Variants in ECT2L observed in about 807,000 individuals in gnomAD.
ECT2L encodes epithelial cell transforming 2 like.
ECT2L carries 126 observed loss-of-function variants against 122.8 expected under a neutral mutation model. The ratio of observed to expected loss-of-function variants is 1.03; its 90% CI spans 0.89 to 1.19. The LOEUF (loss-of-function observed/expected upper bound fraction) is 1.19. ECT2L is among the 50% of genes most tolerant of loss of function. ECT2L has a pLI of 0.00. For missense variants in ECT2L, 1,012 were observed against 1,064.1 expected, an observed-to-expected ratio of 0.95 and a Z score of 0.68; for synonymous variants, 385 against 381.8, an observed-to-expected ratio of 1.01 and a Z score of -0.10.
In ECT2L at chr6:138,828,873, T is replaced by G. The variant is rs535569575; in HGVS notation, c.180-9479T>G. On this transcript the variant is annotated intron_variant, in intron 4 of 21. Transcript: ENST00000541398. ...TTTCAATCCATTTCAGTTATTTTCT[T>G]GTTGGTATTCAAATTGTGTTGTTCC... Among the ~76,000 whole-genome samples the G allele has an allele frequency of 6.6e-5, 10 of 152,326 alleles. No individual in the cohort carries two copies. The East Asian group carries it at 1.9e-3, about 29-fold the overall frequency.
chr6:138,887,428 G>A (rs902314897), intron 19 of ECT2L, among the ~76,000 whole-genome samples: 4 of 151,650 alleles, frequency 2.6e-5, no homozygotes, highest in East Asian at 3.9e-4. Flanking sequence ...GGGTTTCACC[G>A]TGTTAGCCAG....
At chr6:138,872,303 A>G (rs6910295) in intron 13 of ECT2L, among the ~76,000 whole-genome samples, 5,526 of 152,308 alleles carry the variant, frequency 0.036, 334 homozygotes, top group African/African-American at 0.13. Flanking sequence ...TATTTGCAGG[A>G]GCTAACCAGC....
intron 3 of ECT2L, among the ~76,000 whole-genome samples, chr6:138,813,762 A>C (rs748974837): frequency 1.4e-4 from 21 of 152,206 alleles, no homozygotes; most frequent in Non-Finnish European, 1.5e-4. Context: ...ATTTTAAGGT[A>C]ATTCAGGAAG....
intron 21 of ECT2L, 29 bp from the exon 22 acceptor site, chr6:138,902,471 T>TA: frequency 6.3e-7 from 1 of 1,589,830 alleles, no homozygotes; most frequent in Non-Finnish European, 8.5e-7. Context: ...CTGCAAAGAT[T>TA]AATTAGTATA....
intron 16 of ECT2L, among the ~76,000 whole-genome samples, chr6:138,885,129 T>C (rs1778771514): frequency 6.7e-6 from 1 of 149,010 alleles, no homozygotes; most frequent in African/African-American, 2.5e-5. Flanking sequence ...CACAGGTTCA[T>C]GCCATTCTTC....
rs1338233748 is a variant in ECT2L, at chr6:138,902,772, A to G, written c.*145A>G. 6 of 992,160 alleles carry G rather than the reference A, an allele frequency of 6.0e-6. No individual in the cohort carries two copies. Among genetic ancestry groups the G allele is most frequent in the Non-Finnish European group, 8.9e-6 (6 of 677,780 alleles). The allele number at this position is 992,160 out of a possible 1,614,324, so 61.5% of individuals were successfully genotyped here. ...TAAGATGACCCATAGGATCTTTCCA[A>G]CTTTTAAACTTTATCACTTGTGCTC... On this transcript the variant is annotated 3_prime_UTR_variant, in exon 22 of 22. Transcript: ENST00000541398.
Position 138,813,300 on chromosome 6 carries a change from G to A in ECT2L, c.26G>A (p.Ser9Asn). The A allele has an allele frequency of 6.2e-7, 1 of 1,612,532 alleles. No individual in the cohort carries two copies. Among genetic ancestry groups the A allele is most frequent in the African/African-American group, 1.3e-5 (1 of 74,930 alleles). The change falls in exon 3 of 22, where the codon AGT (serine) becomes AAT (asparagine). Residue 9 changes from serine to asparagine, a missense_variant. Transcript: ENST00000541398. ...ATGGAGAGCTTCCACACCAGATTTA[G>A]TGCCTGGACACCTTTTAGCAACAAG... Reference protein sequence around the residue: MESFHTRFSAWTPFSNKSL... With the variant: MESFHTRFNAWTPFSNKSL...
intron 13 of ECT2L, among the ~76,000 whole-genome samples, chr6:138,868,541 A>G (rs772351251): frequency 1.3e-5 from 2 of 152,096 alleles, no homozygotes; most frequent in African/African-American, 4.8e-5. Context: ...ACTTTACTCA[A>G]CAGAGAAACC....
rs116137305 is a variant in ECT2L at position 138,860,430 on chromosome 6, G to C, written c.1199-2197G>C. Among the ~76,000 whole-genome samples the C allele has an allele frequency of 4.8e-3, 727 of 151,194 alleles. 5 individuals are homozygous for C. Among genetic ancestry groups the C allele is most frequent in the African/African-American group, 0.017 (692 of 41,178 alleles). Reference sequence around the variant, plus strand: ...TCCAGTGAATTTCATTTGCACCTTTGTTGAAATCTATTGACTATGTATGTG... The same window carrying C: ...TCCAGTGAATTTCATTTGCACCTTTCTTGAAATCTATTGACTATGTATGTG... On this transcript the variant is annotated intron_variant, in intron 10 of 21. Coordinates refer to ENST00000541398, the MANE Select transcript of ECT2L (RefSeq NM_001077706.3).
chr6:138,899,321 A>G (rs558036689), intron 20 of ECT2L, among the ~76,000 whole-genome samples: 8 of 152,290 alleles, frequency 5.3e-5, no homozygotes, highest in African/African-American at 1.9e-4. Flanking sequence ...AGAAGGAATA[A>G]AAGTCCTATC....
intron 1 of ECT2L, among the ~76,000 whole-genome samples, chr6:138,797,747 CA>C (rs1298290212): frequency 6.6e-6 from 1 of 152,164 alleles, no homozygotes; most frequent in African/African-American, 2.4e-5. Context: ...CACCGACAAC[CA>C]ATTCTCCAGT....
chr6:138,840,969 A>C (rs1777020181), intron 5 of ECT2L, among the ~76,000 whole-genome samples: 1 of 152,106 alleles, frequency 6.6e-6, no homozygotes, highest in Non-Finnish European at 1.5e-5. Flanking sequence ...GACCTTCAGT[A>C]TTTCAGTCTG....
At chr6:138,867,929 G>GCTCAGGGA (rs535997931) in intron 12 of ECT2L, among the ~76,000 whole-genome samples, 174 bp from the exon 13 acceptor site, 2,259 of 149,286 alleles carry the variant, frequency 0.015, 40 homozygotes, top group African/African-American at 0.048. Context: ...GGATCACTTG[G>GCTCAGGGA]ATCAAGGCTG....
chr6:138,880,672 A>G (rs1465754828), intron 14 of ECT2L, among the ~76,000 whole-genome samples: 5 of 152,296 alleles, frequency 3.3e-5, no homozygotes. Context: ...GACACCTAAT[A>G]TGGATTTGGA....
intron 12 of ECT2L, among the ~76,000 whole-genome samples, chr6:138,866,905 T>C (rs200721285): frequency 6.6e-6 from 1 of 151,956 alleles, no homozygotes; most frequent in East Asian, 1.9e-4. Context: ...AAACACTGTC[T>C]CCACAGAAAA....
At chr6:138,807,033 G>A (rs1775735777) in intron 1 of ECT2L, among the ~76,000 whole-genome samples, 1 of 151,970 alleles carries the variant, frequency 6.6e-6, no homozygotes, top group Non-Finnish European at 1.5e-5. Context: ...TCATGACAAA[G>A]GTCTTTATCC....
intron 1 of ECT2L, among the ~76,000 whole-genome samples, chr6:138,806,170 G>C (rs1461853386): frequency 6.6e-6 from 1 of 152,208 alleles, no homozygotes; most frequent in Non-Finnish European, 1.5e-5. Context: ...GAGCTCAAAA[G>C]ACACATTATC....
intron 9 of ECT2L, among the ~76,000 whole-genome samples, chr6:138,850,994 CAAAAAAAAAAAAAAAAA>C (rs34453938): frequency 1.9e-4 from 11 of 57,770 alleles, no homozygotes; most frequent in Admixed American, 5.7e-4. Flanking sequence ...AACTCCATCT[CAAAAAAAAAAAAAAAAA>C]AAAAAAAAAA....
rs748745435 is a variant in ECT2L, at chr6:138,885,818, T to C, written c.2247T>C (p.Gly749=). Residue 749 remains glycine, a synonymous_variant, in exon 18 of 22, where the codon GGT becomes GGC. Coordinates refer to ENST00000541398, the MANE Select transcript of ECT2L (RefSeq NM_001077706.3). ...TTGACCAAATCAAAAAATATAAAGG[T>C]TATATAGATCAGGTTGGTTGCTGAT... is the stretch of plus-strand genomic sequence containing the variant. ...TAIDQIKKYK[G]YIDQMKQNIT... is the part of the protein sequence containing the mutation. 4 of 1,613,712 alleles carry C rather than the reference T, an allele frequency of 2.5e-6. No individual in the cohort carries two copies. The highest frequency in any genetic ancestry group is 3.4e-6 in the Non-Finnish European group (4 of 1,179,866).
Sources: allele counts gnomAD v4.1 joint callset (sites outside exome capture counted in the v4.1 genomes callset), GRCh38; gene constraint gnomAD v4.1.1; transcripts MANE v1.5; gene names NCBI Gene and HGNC (gene_info 2026-07-23, HGNC 2026-07-21).